The following ERBB2 variants were observed in gnomAD, a reference collection of about 807,000 sequenced individuals.
ERBB2 encodes the protein erb-b2 receptor tyrosine kinase 2, also known as receptor tyrosine-protein kinase erbB-2.
A neutral mutation model predicts 149.0 loss-of-function variants in ERBB2; 61 were observed. The ratio of observed to expected loss-of-function variants is 0.41; its 90% CI spans 0.33 to 0.51. The LOEUF is 0.51. ERBB2 is among the 20% of genes least tolerant of loss of function. The probability of loss-of-function intolerance (pLI) is 0.25; values close to 1 mark genes in which losing one functional copy is unlikely to be tolerated. For missense variants in ERBB2, 1,205 were observed against 1,655.1 expected, an observed-to-expected ratio of 0.73 and a Z score of 4.72; for synonymous variants, 633 against 678.8, an observed-to-expected ratio of 0.93 and a Z score of 1.05.
rs765811300 is a variant in ERBB2 at position 39,725,118 on chromosome 17, A to G, written c.2563A>G (p.Ser855Gly). 6.2e-7 allele frequency: 1 copy of G among 1,614,154 alleles called. No individual in the cohort carries two copies. Among genetic ancestry groups the G allele is most frequent in the Non-Finnish European group, 8.5e-7 (1 of 1,180,026 alleles). ...GGCCGCTCGGAACGTGCTGGTCAAG[A>G]GTCCCAACCATGTCAAAATTACAGA... ...DLAARNVLVK[S>G]PNHVKITDFG... Residue 855 changes from serine to glycine, a missense_variant, in exon 21 of 27, where the codon AGT becomes GGT. By Grantham distance (56) the Ser-to-Gly change is moderately conservative. Coordinates refer to ENST00000269571, the MANE Select transcript of ERBB2 (RefSeq NM_004448.4). The surrounding 1 kb of genome is among the most constrained non-coding windows in gnomAD (Gnocchi z 4.6).
chr17:39,726,501 G>C lies in ERBB2; in HGVS notation c.2873-61G>C, dbSNP rs748675090. 3 of 1,396,698 alleles carry C rather than the reference G, an allele frequency of 2.1e-6. No individual in the cohort carries two copies. Among genetic ancestry groups the C allele is most frequent in the South Asian group, 1.2e-5 (1 of 85,332 alleles). 86.5% of individuals were successfully genotyped at this position (1,396,698 alleles called of 1,614,324 possible). A position where few individuals can be genotyped will look rare whatever the true frequency, so the allele number is the denominator to read the frequency against. On this transcript the variant is annotated intron_variant, in intron 23 of 26. Coordinates refer to ENST00000269571, the MANE Select transcript of ERBB2 (RefSeq NM_004448.4). This position sits in a 1 kb window ranked among gnomAD's most constrained non-coding sequence, Gnocchi z 5.1. ...AGACCAGACTGGAGGGGGAGTGGGA[G>C]GGGAGAGGCAGCAAGCACACAGGGC...
intron 19 of ERBB2, 91 bp from the exon 20 acceptor site, chr17:39,724,635 G>C (rs906268276): frequency 8.6e-7 from 1 of 1,163,814 alleles, no homozygotes; most frequent in African/African-American, 1.5e-5. Flanking sequence ...CAGGCTGTGG[G>C]CCATGGCTGT....
upstream of ERBB2, chr17:39,696,630 T>TTAGCTC (rs2057870227): frequency 6.6e-6 from 1 of 152,228 alleles, no homozygotes; most frequent in Non-Finnish European, 1.5e-5. Flanking sequence ...GAAAGTTCCT[T>TTAGCTC]TAGCTCGTGG....
At chr17:39,709,716 C>CG (rs2058681714) in intron 4 of ERBB2, 97 bp from the exon 5 acceptor site, 1 of 1,246,702 alleles carries the variant, frequency 8.0e-7, no homozygotes, top group African/African-American at 1.5e-5. Flanking sequence ...CAGTTGGCCT[C>CG]GTGGCCTCTG....
chr17:39,727,997 C>T lies in ERBB2; in HGVS notation c.3721C>T (p.Pro1241Ser), dbSNP rs753431083. 2 of 1,611,214 alleles carry T rather than the reference C, an allele frequency of 1.2e-6. No individual in the cohort carries two copies. The highest frequency in any genetic ancestry group is 1.7e-6 in the Non-Finnish European group (2 of 1,179,386). ...TCCACCCAGCACCTTCAAAGGGACA[C>T]CTACGGCAGAGAACCCAGAGTACCT... The part of the protein sequence containing the change: ...GAPPSTFKGT[P>S]TAENPEYLGL... Residue 1241 changes from proline (P) to serine (S), a missense_variant, in exon 27 of 27, where the codon CCT (proline) becomes TCT (serine). This residue lies in a region of ERBB2 where 312 missense variants were observed against 343.8 expected (regional missense o/e 0.91). Coordinates refer to ENST00000269571, the MANE Select transcript of ERBB2 (RefSeq NM_004448.4). The surrounding 1 kb of genome is among the most constrained non-coding windows in gnomAD (Gnocchi z 4.3).
chr17:39,728,172 C>T lies in ERBB2; in HGVS notation c.*128C>T, dbSNP rs2059885353. ...CAGGGGAACCTGCCATGCCAGGAAC[C>T]TGTCCTAAGGAACCTTCCTTCCTGC... On this transcript the variant is annotated 3_prime_UTR_variant, in exon 27 of 27. Transcript: ENST00000269571. The T allele has an allele frequency of 1.5e-6, 1 of 665,086 alleles. No individual in the cohort carries two copies. Among genetic ancestry groups the T allele is most frequent in the Non-Finnish European group, 2.5e-6 (1 of 398,846 alleles). 41.2% of individuals were successfully genotyped at this position (665,086 alleles called of 1,614,324 possible).
chr17:39,708,182 A>G (rs1456749692), intron 2 of ERBB2, 139 bp from the exon 3 acceptor site: 37 of 604,722 alleles, frequency 6.1e-5, no homozygotes, highest in Non-Finnish European at 1.0e-4. Flanking sequence ...TCTCTATTTT[A>G]TCGTTTTATT....
rs142456637 is a variant in ERBB2 at position 39,715,892 on chromosome 17, C to T, written c.1466C>T (p.Pro489Leu). The T allele has an allele frequency of 7.3e-4, 1,180 of 1,612,320 alleles. No homozygotes were observed. The highest frequency in any genetic ancestry group is 2.1e-3 in the Middle Eastern group (13 of 6,062). ...TVPWDQLFRN[P>L]HQALLHTANR... The stretch of plus-strand genomic sequence containing the variant: ...CCCTGGGACCAGCTCTTTCGGAACC[C>T]GCACCAAGCTCTGCTCCACACTGCC... Residue 489 changes from proline (P) to leucine (L), a missense_variant, in exon 12 of 27, where the codon CCG (proline) becomes CTG (leucine). By Grantham distance (98) the Pro-to-Leu change is moderately conservative. Transcript: ENST00000269571.
Position 39,727,714 on chromosome 17 carries a change from G to A in ERBB2, c.3438G>A (p.Arg1146=), listed in dbSNP as rs370079170. The part of the protein sequence containing the change: ...QPEYVNQPDV[R]PQPPSPREGP... ...AATATGTGAACCAGCCAGATGTTCG[G>A]CCCCAGCCCCCTTCGCCCCGAGAGG... The change falls in exon 27 of 27, where the codon CGG becomes CGA. Residue 1146 remains arginine, a synonymous_variant. Coordinates refer to ENST00000269571, the MANE Select transcript of ERBB2 (RefSeq NM_004448.4). The surrounding 1 kb of genome is among the most constrained non-coding windows in gnomAD (Gnocchi z 4.3). 5.1e-6 allele frequency: 8 copies of A among 1,562,994 alleles called. No individual in the cohort carries two copies. The African/African-American group carries it at 9.5e-5, about 19-fold the overall frequency.
At chr17:39,713,892 C>A (rs1192195340) in intron 9 of ERBB2, among the ~76,000 whole-genome samples, 1 of 151,370 alleles carries the variant, frequency 6.6e-6, no homozygotes, top group African/African-American at 2.4e-5. Flanking sequence ...CCCATCTCTA[C>A]AAAAAAACAC....
chr17:39,700,195 C>T lies in ERBB2; in HGVS notation c.-44C>T, dbSNP rs1399291786. On this transcript the variant is annotated 5_prime_UTR_variant, in exon 1 of 27. Transcript: ENST00000269571. ...CACCCCGCGCCCCGCGCCCTCCCAG[C>T]CGGGTCCAGCCGGAGCCATGGGGCC... 1 of 1,398,280 alleles carries T rather than the reference C, an allele frequency of 7.2e-7. No homozygotes were observed. Among genetic ancestry groups the T allele is most frequent in the Non-Finnish European group, 9.2e-7 (1 of 1,081,210 alleles). 86.6% of individuals were successfully genotyped at this position (1,398,280 alleles called of 1,614,324 possible).
upstream of ERBB2, among the ~76,000 whole-genome samples, chr17:39,694,211 AAAAAAAAAAAAAAAAATATATATAT>A (rs2057778500): frequency 3.9e-5 from 2 of 51,810 alleles, no homozygotes; most frequent in African/African-American, 2.0e-4. Flanking sequence ...AAAAAAAAAA[AAAAAAAAAAAAAAAAATATATATAT>A]ATATATATAT....
In ERBB2 at chr17:39,719,790, T is replaced by A. The variant is rs2059349362; in HGVS notation, c.1902T>A (p.Cys634Ter). Residue 634 changes from cysteine (C) to a stop codon, truncating the protein, a stop_gained, in exon 16 of 27, where the codon TGT becomes TGA. Coordinates refer to ENST00000269571, the MANE Select transcript of ERBB2 (RefSeq NM_004448.4). LOFTEE classifies it high-confidence loss of function. ...GATGAGACTGTTTCTCCTGCAGCTG[T>A]GTGGACCTGGATGACAAGGGCTGCC... The part of the protein sequence containing the change: ...QPCPINCTHS[C>*]VDLDDKGCPA... The A allele has an allele frequency of 6.2e-7, 1 of 1,614,134 alleles. No homozygotes were observed. The highest frequency in any genetic ancestry group is 8.5e-7 in the Non-Finnish European group (1 of 1,179,988).
intron 11 of ERBB2, 28 bp downstream of exon 11, chr17:39,715,564 T>G: frequency 1.2e-6 from 2 of 1,606,288 alleles, no homozygotes; most frequent in Admixed American, 1.7e-5. Flanking sequence ...GGGGGCCTGA[T>G]GGGGAGGAGT....
chr17:39,722,424 G>A (rs1320987344), intron 16 of ERBB2, among the ~76,000 whole-genome samples: 6 of 152,046 alleles, frequency 3.9e-5, no homozygotes, highest in Non-Finnish European at 8.8e-5. Context: ...GACTGCTTGA[G>A]CCCAGAGGTC....
chr17:39,717,169 G>A, intron 14 of ERBB2, 151 bp from the exon 15 acceptor site: 2 of 590,658 alleles, frequency 3.4e-6, no homozygotes, highest in Admixed American at 3.5e-5. Context: ...CAGAGACTGG[G>A]TGAAGAGCAA....
In ERBB2 at chr17:39,715,952, G is replaced by A. The variant is rs201621598; in HGVS notation, c.1513+13G>A. ...GAGGACGAGTGTGGTAAGACAGGGA[G>A]CCCAGTGTGCGCACTCCCCATCTGC... On this transcript the variant is annotated intron_variant, in intron 12 of 26. Coordinates refer to ENST00000269571, the MANE Select transcript of ERBB2 (RefSeq NM_004448.4). The A allele has an allele frequency of 7.8e-5, 125 of 1,604,310 alleles. No individual in the cohort carries two copies. The highest frequency in any genetic ancestry group is 6.5e-4 in the African/African-American group (49 of 75,038).
At chr17:39,711,882 G>A (rs2058819234) in intron 7 of ERBB2, 46 bp from the exon 8 acceptor site, 2 of 1,612,280 alleles carry the variant, frequency 1.2e-6, no homozygotes, top group African/African-American at 1.3e-5. Context: ...TCATGGTGGT[G>A]CACGAAGGGC....
rs1471435785 is a variant in ERBB2, at chr17:39,726,910, G to A, written c.3066G>A (p.Glu1022=). 1 of 1,613,884 alleles carries A rather than the reference G, an allele frequency of 6.2e-7. No homozygotes were observed. The highest frequency in any genetic ancestry group is 1.3e-5 in the African/African-American group (1 of 75,026). Reference sequence around the variant, plus strand: ...TGGGGGACCTGGTGGATGCTGAGGAGTATCTGGTACCCCAGCAGGGCTTCT... The same window carrying A: ...TGGGGGACCTGGTGGATGCTGAGGAATATCTGGTACCCCAGCAGGGCTTCT... ...DDMGDLVDAE[E]YLVPQQGFFC... Residue 1022 remains glutamate (E), a synonymous_variant, in exon 25 of 27, where the codon GAG becomes GAA. Transcript: ENST00000269571. This position sits in a 1 kb window ranked among gnomAD's most constrained non-coding sequence, Gnocchi z 5.1.
Sources: gnomAD v4.1 joint callset for allele counts (sites outside exome capture counted in the v4.1 genomes callset) on GRCh38, gnomAD v4.1.1 for gene constraint, gnomAD v4.1.1 regional missense constraint, Gnocchi (gnomAD v3.1) non-coding constraint, MANE v1.5 for transcripts, NCBI Gene and HGNC (gene_info 2026-07-23, HGNC 2026-07-21) for gene names.